PTPRS: variants seen among roughly 807,000 people sequenced by gnomAD.
The protein encoded by PTPRS is receptor-type tyrosine-protein phosphatase S.
In PTPRS, 63 loss-of-function variants were observed where a neutral mutation model predicts 215.3. The ratio of observed to expected loss-of-function variants is 0.29; its 90% CI spans 0.24 to 0.36. The LOEUF (loss-of-function observed/expected upper bound fraction) is 0.36. Among genes scored for constraint, PTPRS ranks in the 10% least tolerant of loss-of-function variants. The pLI, the probability that PTPRS is intolerant of heterozygous loss-of-function variation, is 1.00. For synonymous variants in PTPRS, 1,404 were observed against 1,191.4 expected (o/e 1.18, Z -3.68); for missense variants, 2,258 against 2,825.8 (o/e 0.80, Z 4.56).
Position 5,240,207 on chromosome 19 carries a change from C to T in PTPRS, c.1696G>A (p.Gly566Ser), listed in dbSNP as rs1309679923. The T allele has an allele frequency of 2.6e-6, 4 of 1,544,998 alleles. No homozygotes were observed. The East Asian group carries it at 9.8e-5, about 38-fold the overall frequency. Residue 566 changes from glycine to serine, a missense_variant, in exon 12 of 38, where the codon GGC (glycine) becomes AGC (serine). Transcript: ENST00000262963. ...TCCCCGCGCTGCCTCACCTCCCGGC[C>T]ATGGTCGCCTTCCCGGAAGAGGAGC... Reference protein sequence around the residue: ...YELLFREGDHGREVGRTFDPT... With the variant: ...YELLFREGDHSREVGRTFDPT...
chr19:5,336,180 C>A (rs530150388), intron 1 of PTPRS, among the ~76,000 whole-genome samples: 2 of 148,648 alleles, frequency 1.3e-5, no homozygotes, highest in Non-Finnish European at 3.0e-5. Context: ...CAAATATCAG[C>A]CAGAGACAAG....
At position 5,260,788 on chromosome 19, in the gene PTPRS, A is replaced by G. The variant is rs750209021; in HGVS notation, c.595+17T>C. ...AAGAGCGAGCGTGAGTGGGTGGGTG[A>G]GTGAGGAGCCTCTTACCTCGAATCG... is the stretch of plus-strand genomic sequence containing the variant. On this transcript the variant is annotated intron_variant, in intron 7 of 37. Coordinates refer to ENST00000262963, the MANE Select transcript of PTPRS (RefSeq NM_002850.4). 6.2e-7 allele frequency: 1 copy of G among 1,613,550 alleles called. No homozygotes were observed. The highest frequency in any genetic ancestry group is 1.1e-5 in the South Asian group (1 of 91,038).
intron 1 of PTPRS, among the ~76,000 whole-genome samples, chr19:5,303,533 C>T (rs1045579135): frequency 2.4e-4 from 37 of 151,892 alleles, no homozygotes; most frequent in African/African-American, 8.2e-4. Flanking sequence ...GGACACAGCA[C>T]GTGTAAAGGC....
At chr19:5,303,954 A>AAAAAAAAAAAAAATAAAAATAAAAAT in intron 1 of PTPRS, among the ~76,000 whole-genome samples, 3 of 132,254 alleles carry the variant, frequency 2.3e-5, no homozygotes, top group African/African-American at 9.2e-5. Context: ...CTGTCTCAAA[A>AAAAAAAAAAAAAATAAAAATAAAAAT]AATAATAATA....
intron 2 of PTPRS, among the ~76,000 whole-genome samples, chr19:5,277,336 T>C (rs977846565): frequency 9.9e-5 from 15 of 152,058 alleles, no homozygotes; most frequent in African/African-American, 3.6e-4. Context: ...AGGCTATCTA[T>C]GCAGCAGAAT....
chr19:5,242,830 G>A (rs2044158688), intron 11 of PTPRS, among the ~76,000 whole-genome samples: 1 of 152,122 alleles, frequency 6.6e-6, no homozygotes, highest in Admixed American at 6.6e-5. Context: ...GAGTAGCTGG[G>A]ACTACAGGTG....
intron 1 of PTPRS, among the ~76,000 whole-genome samples, chr19:5,334,947 G>A (rs972132589): frequency 1.6e-4 from 25 of 152,194 alleles, no homozygotes; most frequent in Non-Finnish European, 1.3e-4. Flanking sequence ...TAAATAGTCG[G>A]AGCAGCTGTT....
chr19:5,255,482 C>G (rs945407487), intron 9 of PTPRS, among the ~76,000 whole-genome samples: 1 of 150,522 alleles, frequency 6.6e-6, no homozygotes, highest in African/African-American at 2.5e-5. Context: ...GAACCAAAGA[C>G]GAGTCGCTTT....
intron 15 of PTPRS, 46 bp from the exon 16 acceptor site, chr19:5,229,388 G>A (rs748119142): frequency 3.2e-5 from 44 of 1,364,420 alleles, no homozygotes; most frequent in Non-Finnish European, 3.7e-5. Flanking sequence ...GAAGGTGAGC[G>A]GGGGAGGCCA....
In PTPRS at chr19:5,273,510, A is replaced by G. The variant is rs773830684; in HGVS notation, c.311T>C (p.Val104Ala). 6.2e-7 allele frequency: 1 copy of G among 1,614,144 alleles called. No individual in the cohort carries two copies. Among genetic ancestry groups the G allele is most frequent in the Non-Finnish European group, 8.5e-7 (1 of 1,180,014 alleles). ...QPLRTPRDEN[V>A]YECVAQNSVG... is the part of the protein sequence containing the mutation. The stretch of plus-strand genomic sequence containing the variant: ...CGAGTTCTGGGCCACACACTCGTAC[A>G]CGTTTTCATCCCGCGGTGTCCTCAG... Residue 104 changes from valine to alanine, a missense_variant, in exon 4 of 38, where the codon GTG becomes GCG. By Grantham distance (64) the Val-to-Ala change is moderately conservative. Coordinates refer to ENST00000262963, the MANE Select transcript of PTPRS (RefSeq NM_002850.4).
At chr19:5,309,757 G>T (rs915363842) in intron 1 of PTPRS, among the ~76,000 whole-genome samples, 4 of 152,074 alleles carry the variant, frequency 2.6e-5, no homozygotes, top group Non-Finnish European at 4.4e-5. Flanking sequence ...CAACCCTTCT[G>T]CAAAATCCTT....
Position 5,221,150 on chromosome 19 carries a change from C to T in PTPRS, c.3305G>A (p.Arg1102His), listed in dbSNP as rs575201235. Residue 1102 changes from arginine (R) to histidine (H), a missense_variant, in exon 20 of 38, where the codon CGC becomes CAC. This residue lies in a region of PTPRS where 927 missense variants were observed against 1,125.9 expected (regional missense o/e 0.82). Coordinates refer to ENST00000262963, the MANE Select transcript of PTPRS (RefSeq NM_002850.4). ...HTFYNFVLTNRGSSLGGLQQT... is the reference protein window; with the variant it reads ...HTFYNFVLTNHGSSLGGLQQT... ...CTGGAGGCCGCCCAGGCTGCTGCCG[C>T]GATTGGTCAGCACAAAGTTGTAGAA... is the stretch of plus-strand genomic sequence containing the variant. 16 of 1,613,520 alleles carry T rather than the reference C, an allele frequency of 9.9e-6. No homozygotes were observed. The highest frequency in any genetic ancestry group is 6.7e-5 in the African/African-American group (5 of 74,816).
chr19:5,213,175 G>C (rs916507972), intron 30 of PTPRS, among the ~76,000 whole-genome samples: 4 of 152,176 alleles, frequency 2.6e-5, no homozygotes, highest in African/African-American at 9.7e-5. Flanking sequence ...ATCTGGTCTA[G>C]ACCTATCACC....
chr19:5,252,996 G>A (rs975724065), intron 9 of PTPRS, among the ~76,000 whole-genome samples: 3 of 151,916 alleles, frequency 2.0e-5, no homozygotes, highest in East Asian at 1.9e-4. Context: ...TGTGCACTAC[G>A]TTTCAATAAT....
Position 5,215,599 on chromosome 19 carries a change from C to CA in PTPRS, c.4097-5dup, listed in dbSNP as rs757326712. The CA allele has an allele frequency of 1.3e-6, 2 of 1,590,346 alleles. No homozygotes were observed. The highest frequency in any genetic ancestry group is 2.3e-5 in the South Asian group (2 of 88,260). Reference sequence around the variant, plus strand: ...ATTGGCGGGTGGCTAAGCATGCCTACAGGGTGGAGCAGACCCCGCCGGGGT... The same window carrying CA: ...ATTGGCGGGTGGCTAAGCATGCCTACAAGGGTGGAGCAGACCCCGCCGGGGT... On this transcript the variant is annotated splice_polypyrimidine_tract_variant and splice_region_variant and intron_variant, in intron 26 of 37. Transcript: ENST00000262963.
intron 6 of PTPRS, among the ~76,000 whole-genome samples, chr19:5,261,121 C>T (rs1019625892): frequency 6.6e-6 from 1 of 152,006 alleles, no homozygotes; most frequent in Non-Finnish European, 1.5e-5. Context: ...GGGTGAGGGG[C>T]GTCTCTATGC....
chr19:5,227,413 ATTTTTT>A (rs55762769), intron 16 of PTPRS, among the ~76,000 whole-genome samples: 2 of 135,004 alleles, frequency 1.5e-5, no homozygotes. Flanking sequence ...AGCTGTAACA[ATTTTTT>A]TTTTTTTTTT....
At chr19:5,318,381 G>A (rs1032504243) in intron 1 of PTPRS, among the ~76,000 whole-genome samples, 2 of 151,842 alleles carry the variant, frequency 1.3e-5, no homozygotes, top group African/African-American at 2.4e-5. Flanking sequence ...AATGATGACC[G>A]TGAAATGCTG....
chr19:5,230,454 T>G (rs982842103), intron 14 of PTPRS, among the ~76,000 whole-genome samples: 4 of 152,164 alleles, frequency 2.6e-5, no homozygotes, highest in African/African-American at 9.7e-5. Flanking sequence ...TGTGCCACCA[T>G]GCTCAGCTAA....
Sources: gnomAD v4.1 joint callset for allele counts (sites outside exome capture counted in the v4.1 genomes callset) on GRCh38, gnomAD v4.1.1 for gene constraint, gnomAD v4.1.1 regional missense constraint, MANE v1.5 for transcripts, NCBI Gene and HGNC (gene_info 2026-07-23, HGNC 2026-07-21) for gene names.